CSMD1: variants seen among roughly 807,000 people sequenced by gnomAD.
CSMD1 encodes CUB and sushi domain-containing protein 1.
Under a neutral mutation model 417.5 loss-of-function variants are expected in CSMD1, and 213 were observed. That is an observed-to-expected ratio of 0.51 (90% CI 0.46 to 0.57). CSMD1 has a LOEUF of 0.57. Ranked by LOEUF, CSMD1 falls within the 20% of genes least tolerant of loss-of-function variation. The probability of loss-of-function intolerance (pLI) is 0.00; values close to 1 mark genes in which losing one functional copy is unlikely to be tolerated. For synonymous variants in CSMD1, 2,862 were observed against 1,736.8 expected (o/e 1.65, Z -16.11); for missense variants, 6,923 against 4,529.7 (o/e 1.53, Z -15.17).
At chr8:3,131,996 C>G in intron 41 of CSMD1, among the ~76,000 whole-genome samples, 1 of 152,180 alleles carries the variant, frequency 6.6e-6, no homozygotes, top group African/African-American at 2.4e-5. Context: ...CCAATACCAT[C>G]ACTCCACTGG....
intron 34 of CSMD1, among the ~76,000 whole-genome samples, chr8:3,189,316 A>G (rs1278617456): frequency 6.6e-6 from 1 of 152,218 alleles, no homozygotes; most frequent in Non-Finnish European, 1.5e-5. Context: ...AGAATAATTT[A>G]CCTACTATAA....
chr8:4,952,630 T>C (rs1375895009), intron 1 of CSMD1, among the ~76,000 whole-genome samples: 5 of 152,128 alleles, frequency 3.3e-5, no homozygotes, highest in African/African-American at 1.2e-4. Flanking sequence ...ATAGTTGATA[T>C]GGTGATTGTG....
chr8:4,005,678 C>A (rs1369109568), intron 4 of CSMD1, among the ~76,000 whole-genome samples: 1 of 152,228 alleles, frequency 6.6e-6, no homozygotes, highest in Non-Finnish European at 1.5e-5. Flanking sequence ...TTTCTTCCCA[C>A]TTCAAACAAC....
chr8:3,257,308 G>C (rs923157383), intron 26 of CSMD1, among the ~76,000 whole-genome samples: 1 of 152,200 alleles, frequency 6.6e-6, no homozygotes, highest in African/African-American at 2.4e-5. Context: ...CGCGCTATAA[G>C]AGTGAAACTC....
At chr8:4,219,658 G>C (rs1437454827) in intron 3 of CSMD1, among the ~76,000 whole-genome samples, 2 of 152,200 alleles carry the variant, frequency 1.3e-5, no homozygotes, top group Non-Finnish European at 2.9e-5. Flanking sequence ...AATGAAGAGT[G>C]AGATCATTTG....
intron 10 of CSMD1, among the ~76,000 whole-genome samples, chr8:3,538,568 G>C (rs141078300): frequency 5.0e-4 from 76 of 152,366 alleles, no homozygotes; most frequent in African/African-American, 1.5e-3. Flanking sequence ...GCTAACCTGA[G>C]TTGCCTCCCC....
intron 1 of CSMD1, among the ~76,000 whole-genome samples, chr8:4,943,717 T>C (rs987383991): frequency 2.6e-5 from 4 of 152,238 alleles, no homozygotes; most frequent in Admixed American, 2.6e-4. Flanking sequence ...CCTAAAAACA[T>C]TTGAAGATAT....
intron 4 of CSMD1, among the ~76,000 whole-genome samples, chr8:4,009,825 A>G (rs1382483847): frequency 6.6e-6 from 1 of 152,052 alleles, no homozygotes; most frequent in Admixed American, 6.6e-5. Flanking sequence ...GTTCTCAGAG[A>G]GTCAACCCCA....
intron 3 of CSMD1, among the ~76,000 whole-genome samples, chr8:4,331,821 T>C (rs114828006): frequency 0.011 from 1,672 of 152,206 alleles, 28 homozygotes; most frequent in African/African-American, 0.038. Context: ...TCCAAGCAAA[T>C]AATTATTACT....
At chr8:3,542,063 A>G (rs1221701688) in intron 10 of CSMD1, among the ~76,000 whole-genome samples, 1 of 152,116 alleles carries the variant, frequency 6.6e-6, no homozygotes. Flanking sequence ...ACCTATGTGC[A>G]CCCGTATTAT....
At chr8:4,302,150 G>T (rs1166020364) in intron 3 of CSMD1, among the ~76,000 whole-genome samples, 1 of 152,092 alleles carries the variant, frequency 6.6e-6, no homozygotes, top group Non-Finnish European at 1.5e-5. Flanking sequence ...AACAGTTTAT[G>T]GACTTAAGGC....
intron 3 of CSMD1, among the ~76,000 whole-genome samples, chr8:4,193,270 C>T (rs1026319043): frequency 6.6e-6 from 1 of 152,134 alleles, no homozygotes; most frequent in Non-Finnish European, 1.5e-5. Flanking sequence ...AAATACGTTG[C>T]ATCACACGTG....
chr8:4,138,336 T>C (rs577598064), intron 3 of CSMD1, among the ~76,000 whole-genome samples: 4 of 151,938 alleles, frequency 2.6e-5, no homozygotes, highest in African/African-American at 7.2e-5. Context: ...CACATTTGAG[T>C]TGTGGCAAAG....
At chr8:2,954,151 T>C (rs892198678) in intron 65 of CSMD1, 73 bp downstream of exon 65, 3 of 726,476 alleles carry the variant, frequency 4.1e-6, no homozygotes, top group Non-Finnish European at 6.4e-6. Context: ...ATGTTGAAAA[T>C]AGTTTCACTG....
chr8:4,502,291 C>G (rs927673751), intron 2 of CSMD1, among the ~76,000 whole-genome samples: 1 of 152,060 alleles, frequency 6.6e-6, no homozygotes, highest in African/African-American at 2.4e-5. Flanking sequence ...TTAGATTCTC[C>G]GAGGCTCAGT....
intron 2 of CSMD1, among the ~76,000 whole-genome samples, chr8:4,592,248 T>A (rs549413968): frequency 5.9e-5 from 9 of 151,448 alleles, no homozygotes; most frequent in Non-Finnish European, 1.2e-4. Context: ...CTAGTTGCAG[T>A]AACTAAAGTG....
intron 5 of CSMD1, among the ~76,000 whole-genome samples, chr8:3,903,409 G>A (rs78570743): frequency 6.6e-6 from 1 of 151,982 alleles, no homozygotes; most frequent in Non-Finnish European, 1.5e-5. Context: ...TCCAATGCCA[G>A]AGCATTAATA....
chr8:3,818,340 G>A (rs1011836574), intron 5 of CSMD1, among the ~76,000 whole-genome samples: 7 of 152,168 alleles, frequency 4.6e-5, no homozygotes, highest in African/African-American at 1.7e-4. Context: ...TCCCTCATGT[G>A]AGAGAGCTAA....
chr8:4,903,635 G>A (rs868089170), intron 1 of CSMD1, among the ~76,000 whole-genome samples: 3 of 152,306 alleles, frequency 2.0e-5, no homozygotes, highest in Middle Eastern at 6.8e-3. Context: ...ACTTGGATTA[G>A]AAACTCCTTT....
Sources: gnomAD v4.1 joint callset for allele counts (sites outside exome capture counted in the v4.1 genomes callset) on GRCh38, gnomAD v4.1.1 for gene constraint, MANE v1.5 for transcripts, NCBI Gene and HGNC (gene_info 2026-07-23, HGNC 2026-07-21) for gene names.